The following VPS8 variants were observed in gnomAD, a reference collection of about 807,000 sequenced individuals.
VPS8 encodes VPS8 subunit of CORVET complex, also known as vacuolar protein sorting-associated protein 8 homolog.
VPS8 carries 129 observed loss-of-function variants against 216.4 expected under a neutral mutation model. That is an observed-to-expected ratio of 0.60 (90% confidence interval 0.52 to 0.69). The LOEUF (loss-of-function observed/expected upper bound fraction) is 0.69. VPS8 is among the 30% of genes least tolerant of loss of function. The pLI, the probability that VPS8 is intolerant of heterozygous loss-of-function variation, is 0.00. For synonymous variants in VPS8, 571 were observed against 565.4 expected, an observed-to-expected ratio of 1.01 and a Z score of -0.14; for missense variants, 1,531 against 1,683.5, an observed-to-expected ratio of 0.91 and a Z score of 1.59.
intron 40 of VPS8, among the ~76,000 whole-genome samples, chr3:184,974,990 T>G (rs969475918): frequency 2.0e-5 from 3 of 152,194 alleles, no homozygotes; most frequent in African/African-American, 7.2e-5. Flanking sequence ...TCAGGTAGTA[T>G]GATGCCTATA....
chr3:184,967,636 G>T (rs139670195), intron 39 of VPS8, among the ~76,000 whole-genome samples: 1,607 of 152,080 alleles, frequency 0.011, 30 homozygotes, highest in African/African-American at 0.036. Flanking sequence ...TCAGGAGTTC[G>T]AGATCAGCCT....
Position 184,959,997 on chromosome 3 carries a change from C to T in VPS8, c.3183+2476C>T, listed in dbSNP as rs534609746. Among the ~76,000 whole-genome samples the T allele has an allele frequency of 5.9e-5, 9 of 152,026 alleles. No homozygotes were observed. In the East Asian group the frequency reaches 1.7e-3, roughly 29 times the overall value. ...ATGCTATCCCTCCCCACTCCCCCCA[C>T]CCCACAACAGACCCCGGTGTGTGAT... On this transcript the variant is annotated intron_variant, in intron 37 of 47. Transcript: ENST00000625842.
intron 36 of VPS8, among the ~76,000 whole-genome samples, chr3:184,948,926 A>G (rs998759837): frequency 2.6e-5 from 4 of 152,236 alleles, no homozygotes; most frequent in African/African-American, 9.6e-5. Flanking sequence ...CTATTAGGTT[A>G]TAAAGCTCAT....
intron 22 of VPS8, among the ~76,000 whole-genome samples, chr3:184,892,769 T>G (rs1044246181): frequency 1.3e-5 from 2 of 152,218 alleles, no homozygotes; most frequent in Non-Finnish European, 2.9e-5. Flanking sequence ...CCTTCTTAGT[T>G]AACTTTTGTA....
At chr3:184,890,400 G>A (rs1363208377) in intron 22 of VPS8, among the ~76,000 whole-genome samples, 3 of 151,872 alleles carry the variant, frequency 2.0e-5, no homozygotes, top group Admixed American at 2.0e-4. Flanking sequence ...TTATATTAAT[G>A]TCTTCTGATT....
chr3:185,048,403 T>A, intron 46 of VPS8, 76 bp from the exon 47 acceptor site: 1 of 1,406,274 alleles, frequency 7.1e-7, no homozygotes, highest in Non-Finnish European at 1.0e-6. Context: ...ATGTTATGCT[T>A]CAGCATCGTG....
chr3:184,849,317 C>A, intron 9 of VPS8, 122 bp downstream of exon 9: 1 of 1,144,300 alleles, frequency 8.7e-7, no homozygotes, highest in Non-Finnish European at 1.2e-6. Context: ...GTAGAGCTAA[C>A]CAGAGATTGC....
intron 36 of VPS8, 27 bp downstream of exon 36, chr3:184,940,270 T>TTATATATATATATATA (rs5855048): frequency 1.7e-5 from 10 of 579,894 alleles, no homozygotes; most frequent in African/African-American, 1.7e-4. Context: ...TAGTCTTTCA[T>TTATATATATATATATA]TATATATATA....
At chr3:185,043,987 C>G (rs1712279082) in intron 46 of VPS8, among the ~76,000 whole-genome samples, 1 of 152,092 alleles carries the variant, frequency 6.6e-6, no homozygotes, top group Admixed American at 6.5e-5. Flanking sequence ...GTCAGGAGTT[C>G]AAGACCAGCC....
At chr3:184,834,943 A>G (rs182601459) in intron 5 of VPS8, 130 of 457,582 alleles carry the variant, frequency 2.8e-4, no homozygotes, top group African/African-American at 2.4e-3. Context: ...CAGCCATGAA[A>G]ATAAAGTTCT....
chr3:184,827,746 G>A (rs1247719174), intron 3 of VPS8, among the ~76,000 whole-genome samples: 2 of 152,192 alleles, frequency 1.3e-5, no homozygotes, highest in African/African-American at 4.8e-5. Context: ...TTACTAAGAA[G>A]ATAACACTGT....
chr3:184,967,769 G>T (rs771056113), intron 39 of VPS8, among the ~76,000 whole-genome samples: 1 of 151,630 alleles, frequency 6.6e-6, no homozygotes, highest in African/African-American at 2.4e-5. Context: ...CCTGGGAGGC[G>T]GAGGTTGCAA....
chr3:184,901,378 A>G (rs995424536), intron 25 of VPS8: 2 of 163,662 alleles, frequency 1.2e-5, no homozygotes, highest in East Asian at 1.8e-4. Context: ...TAGTCCATGG[A>G]TTGAATATAC....
intron 44 of VPS8, among the ~76,000 whole-genome samples, chr3:184,998,766 A>T (rs1234757799): frequency 6.6e-6 from 1 of 152,132 alleles, no homozygotes; most frequent in African/African-American, 2.4e-5. Context: ...AGGATTTACT[A>T]CAGCAATGAC....
intron 5 of VPS8, among the ~76,000 whole-genome samples, chr3:184,837,903 T>C (rs1721418890): frequency 1.3e-5 from 2 of 152,214 alleles, no homozygotes; most frequent in South Asian, 4.1e-4. Context: ...CAGAATAACA[T>C]TGCCTGTTCT....
At chr3:185,015,032 C>T (rs958546856) in intron 45 of VPS8, among the ~76,000 whole-genome samples, 1 of 152,172 alleles carries the variant, frequency 6.6e-6, no homozygotes, top group African/African-American at 2.4e-5. Flanking sequence ...CATCCATTAG[C>T]CAAAGAGAAT....
At chr3:184,919,405 T>C (rs567196946) in intron 28 of VPS8, among the ~76,000 whole-genome samples, 232 of 152,324 alleles carry the variant, frequency 1.5e-3, no homozygotes, top group African/African-American at 5.6e-3. Flanking sequence ...TTCATTTCCA[T>C]TTTTTGATAG....
chr3:184,814,095 T>A (rs1483393532), intron 1 of VPS8, among the ~76,000 whole-genome samples: 1 of 152,276 alleles, frequency 6.6e-6, no homozygotes. Flanking sequence ...TTCACTGTTA[T>A]GAATTTCTTA....
chr3:184,833,338 G>A (rs1289620024), intron 4 of VPS8, among the ~76,000 whole-genome samples: 1 of 152,142 alleles, frequency 6.6e-6, no homozygotes, highest in East Asian at 1.9e-4. Context: ...AAAGAGAATT[G>A]GAGGAATCAT....
Sources: allele counts gnomAD v4.1 joint callset (sites outside exome capture counted in the v4.1 genomes callset), GRCh38; gene constraint gnomAD v4.1.1; transcripts MANE v1.5; gene names NCBI Gene and HGNC (gene_info 2026-07-23, HGNC 2026-07-21).